Variants in TENM3 observed in about 807,000 individuals in gnomAD.
TENM3 encodes the protein teneurin-3.
In TENM3, 63 loss-of-function variants were observed where a neutral mutation model predicts 255.1. The observed-to-expected ratio is 0.25, with a 90% CI of 0.20 to 0.30. The LOEUF (loss-of-function observed/expected upper bound fraction) is 0.30. TENM3 is among the 10% of genes least tolerant of loss of function. The pLI is 1.00. For synonymous variants in TENM3, 1,306 were observed against 1,322.3 expected (o/e 0.99, Z 0.27); for missense variants, 2,929 against 3,461.1 (o/e 0.85, Z 3.86).
the TENM3 span, among the ~76,000 whole-genome samples, chr4:181,739,954 C>T: frequency 1.3e-5 from 2 of 152,112 alleles, no homozygotes; most frequent in African/African-American, 2.4e-5. Context: ...GCGTAGCAAC[C>T]GGCGCACATG....
intron 2 of TENM3, among the ~76,000 whole-genome samples, chr4:182,337,646 T>A (rs1457623824): frequency 2.0e-5 from 3 of 151,998 alleles, no homozygotes; most frequent in South Asian, 2.1e-4. Context: ...AAAAATAACA[T>A]CTCCCACTGG....
At chr4:181,493,592 A>C in the TENM3 span, among the ~76,000 whole-genome samples, 2 of 151,878 alleles carry the variant, frequency 1.3e-5, no homozygotes, top group African/African-American at 4.8e-5. Flanking sequence ...CAACAAAAAC[A>C]CAAAATTAGC....
the TENM3 span, among the ~76,000 whole-genome samples, chr4:181,579,287 C>T: frequency 2.8e-4 from 43 of 152,244 alleles, no homozygotes; most frequent in African/African-American, 9.6e-4. Context: ...ACATGAGAGA[C>T]ACCTCCTAAC....
chr4:182,698,052 C>T (rs1757561803), intron 12 of TENM3: 1 of 152,042 alleles, frequency 6.6e-6, no homozygotes, highest in African/African-American at 2.4e-5. Context: ...CCTTGGGTTC[C>T]GCTTCCTTGC....
At chr4:182,598,647 C>T (rs913032135) in intron 3 of TENM3, among the ~76,000 whole-genome samples, 3 of 152,160 alleles carry the variant, frequency 2.0e-5, no homozygotes, top group Non-Finnish European at 4.4e-5. Context: ...TTACCATTTA[C>T]ACAGAGCTTT....
At chr4:181,729,446 G>A in the TENM3 span, among the ~76,000 whole-genome samples, 2 of 152,116 alleles carry the variant, frequency 1.3e-5, no homozygotes, top group African/African-American at 2.4e-5. Context: ...CCGGGTCACA[G>A]GAACTAATGA....
chr4:182,079,248 G>A, the TENM3 span, among the ~76,000 whole-genome samples: 1 of 152,162 alleles, frequency 6.6e-6, no homozygotes, highest in Admixed American at 6.5e-5. Flanking sequence ...TGGGTGTGGT[G>A]GCTCATGCCT....
chr4:181,642,418 A>G, the TENM3 span, among the ~76,000 whole-genome samples: 1 of 151,818 alleles, frequency 6.6e-6, no homozygotes, highest in African/African-American at 2.4e-5. Context: ...CATTCTGTAC[A>G]TTGCCTGTTC....
At chr4:181,599,131 C>T in the TENM3 span, among the ~76,000 whole-genome samples, 1 of 152,136 alleles carries the variant, frequency 6.6e-6, no homozygotes, top group Non-Finnish European at 1.5e-5. Context: ...TCCCCAAATA[C>T]TAACAAGCAC....
chr4:181,634,237 C>G, the TENM3 span, among the ~76,000 whole-genome samples: 1 of 152,136 alleles, frequency 6.6e-6, no homozygotes, highest in Non-Finnish European at 1.5e-5. Flanking sequence ...TAAACATTTG[C>G]CATTTGCTCC....
the TENM3 span, among the ~76,000 whole-genome samples, chr4:181,813,187 A>G: frequency 6.6e-6 from 1 of 152,194 alleles, no homozygotes; most frequent in Non-Finnish European, 1.5e-5. Flanking sequence ...GGAAAAGGCA[A>G]GGGATCTCTT....
chr4:182,101,441 A>T, the TENM3 span, among the ~76,000 whole-genome samples: 1 of 152,138 alleles, frequency 6.6e-6, no homozygotes, highest in Non-Finnish European at 1.5e-5. Context: ...GCCCTTTTCC[A>T]TGGCATCTCG....
At chr4:182,047,993 C>G in the TENM3 span, among the ~76,000 whole-genome samples, 5,565 of 152,242 alleles carry the variant, frequency 0.037, 152 homozygotes, top group Middle Eastern at 0.071. Flanking sequence ...GAATATTCTA[C>G]AGGAGTTTGT....
At chr4:181,820,427 T>C in the TENM3 span, 1 of 152,126 alleles carries the variant, frequency 6.6e-6, no homozygotes, top group African/African-American at 2.4e-5. Context: ...AACTTTTTCA[T>C]ATTTTCTTAG....
chr4:182,508,782 A>G (rs1245987268), intron 3 of TENM3, among the ~76,000 whole-genome samples: 2 of 152,232 alleles, frequency 1.3e-5, no homozygotes, highest in African/African-American at 2.4e-5. Flanking sequence ...TAGACTTTCA[A>G]TTAAGCTTTC....
At chr4:182,178,061 C>A (rs1752624395) in intron 1 of TENM3, among the ~76,000 whole-genome samples, 1 of 149,340 alleles carries the variant, frequency 6.7e-6, no homozygotes, top group Non-Finnish European at 1.5e-5. Flanking sequence ...AGATTATCAG[C>A]AACCCCCTAG....
At chr4:181,753,854 G>A in the TENM3 span, among the ~76,000 whole-genome samples, 1 of 152,144 alleles carries the variant, frequency 6.6e-6, no homozygotes, top group African/African-American at 2.4e-5. Flanking sequence ...ATTGTACTAG[G>A]TACAGAGGAG....
At chr4:182,572,964 G>T (rs1744553630) in intron 3 of TENM3, among the ~76,000 whole-genome samples, 1 of 152,066 alleles carries the variant, frequency 6.6e-6, no homozygotes, top group African/African-American at 2.4e-5. Context: ...TAGGTTCTAG[G>T]GCTTGGCTTT....
Position 182,754,382 on chromosome 4 carries a change from A to G in TENM3, c.4018-3A>G. 1 of 1,579,828 alleles carries G rather than the reference A, an allele frequency of 6.3e-7. No homozygotes were observed. The highest frequency in any genetic ancestry group is 8.6e-7 in the Non-Finnish European group (1 of 1,161,034). On this transcript the variant is annotated splice_polypyrimidine_tract_variant and splice_region_variant and intron_variant, in intron 21 of 27. Transcript: ENST00000511685. The surrounding 1 kb of genome is among the most constrained non-coding windows in gnomAD (Gnocchi z 5.1). Reference sequence around the variant, plus strand: ...TAACCAGGCCATTTCTTTTTTTATTAAGGTACGTCTGGAATGGCCCACTGA... The same window carrying G: ...TAACCAGGCCATTTCTTTTTTTATTGAGGTACGTCTGGAATGGCCCACTGA...
Sources: gnomAD v4.1 joint callset for allele counts (sites outside exome capture counted in the v4.1 genomes callset) on GRCh38, gnomAD v4.1.1 for gene constraint, Gnocchi (gnomAD v3.1) non-coding constraint, MANE v1.5 for transcripts, NCBI Gene and HGNC (gene_info 2026-07-23, HGNC 2026-07-21) for gene names.